Variants in COL19A1 observed in about 807,000 individuals in gnomAD.
COL19A1 encodes the protein collagen alpha-1(XIX) chain.
A neutral mutation model predicts 190.2 loss-of-function variants in COL19A1; 159 were observed. That is an observed-to-expected ratio of 0.84 (90% CI 0.73 to 0.95). COL19A1 has a LOEUF of 0.95. Ranked by LOEUF, COL19A1 falls within the 40% of genes least tolerant of loss-of-function variation. The pLI is 0.00. For synonymous variants in COL19A1, 509 were observed against 458.9 expected (o/e 1.11, Z -1.39); for missense variants, 1,418 against 1,431.9 (o/e 0.99, Z 0.16).
chr6:70,200,578 A>G (rs1354898504), intron 49 of COL19A1, among the ~76,000 whole-genome samples: 1 of 152,256 alleles, frequency 6.6e-6, no homozygotes, highest in Non-Finnish European at 1.5e-5. Flanking sequence ...AGCAACTTGT[A>G]TAAAGAAAGA....
chr6:69,971,182 T>C (rs2150054988), intron 11 of COL19A1, among the ~76,000 whole-genome samples: 1 of 152,342 alleles, frequency 6.6e-6, no homozygotes, highest in South Asian at 2.1e-4. Context: ...TATAAAGGGC[T>C]ATAATATTTT....
At chr6:70,081,028 G>A (rs538109664) in intron 15 of COL19A1, among the ~76,000 whole-genome samples, 22 of 152,168 alleles carry the variant, frequency 1.4e-4, no homozygotes, top group African/African-American at 4.3e-4. Flanking sequence ...AAGAAGTTAC[G>A]CTTCTAATTT....
Position 69,989,493 on chromosome 6 carries a change from A to C in COL19A1, c.1026+26623A>C, listed in dbSNP as rs144478257. Among the ~76,000 whole-genome samples the C allele has an allele frequency of 3.3e-3, 508 of 151,726 alleles. 1 individual carries two copies. Among genetic ancestry groups the C allele is most frequent in the African/African-American group, 0.011 (437 of 41,298 alleles). On this transcript the variant is annotated intron_variant, in intron 11 of 50. Coordinates refer to ENST00000620364, the MANE Select transcript of COL19A1 (RefSeq NM_001858.6). Reference sequence around the variant, plus strand: ...ATCAAGCTTGTCCCAACCACGGCCTAGAACAGCTTTGAATGTGACTCAACA... The same window carrying C: ...ATCAAGCTTGTCCCAACCACGGCCTCGAACAGCTTTGAATGTGACTCAACA...
chr6:70,003,609 C>A (rs1228153804), intron 11 of COL19A1, among the ~76,000 whole-genome samples: 1 of 151,922 alleles, frequency 6.6e-6, no homozygotes, highest in Non-Finnish European at 1.5e-5. Context: ...TGACTTGTTC[C>A]CTTTGCCATT....
rs1403162309 is a variant in COL19A1 at position 70,208,151 on chromosome 6, C to G, written c.*877C>G. 1 of 152,192 alleles carries G rather than the reference C, an allele frequency of 6.6e-6. No individual in the cohort carries two copies. The highest frequency in any genetic ancestry group is 1.5e-5 in the Non-Finnish European group (1 of 68,044). 9.4% of individuals were successfully genotyped at this position (152,192 alleles called of 1,614,324 possible). A position where few individuals can be genotyped will look rare whatever the true frequency, so the allele number is the denominator to read the frequency against. On this transcript the variant is annotated 3_prime_UTR_variant, in exon 51 of 51. Coordinates refer to ENST00000620364, the MANE Select transcript of COL19A1 (RefSeq NM_001858.6). ...AAGCCACCAAGCTGTCTTTGGTACT[C>G]TTAAAGCTTCAGTGGCCTAGCAAGA...
intron 11 of COL19A1, among the ~76,000 whole-genome samples, chr6:70,002,958 C>G (rs887424498): frequency 1.3e-5 from 2 of 151,956 alleles, no homozygotes; most frequent in African/African-American, 4.8e-5. Flanking sequence ...CTCTCTAGCT[C>G]TTTTAATTGT....
intron 42 of COL19A1, 83 bp from the exon 43 acceptor site, chr6:70,180,229 T>G: frequency 6.6e-7 from 1 of 1,512,014 alleles, no homozygotes; most frequent in Non-Finnish European, 9.2e-7. Context: ...CACTATAAAC[T>G]CAATTGGGGT....
At chr6:70,084,154 T>A (rs1052026468) in intron 15 of COL19A1, among the ~76,000 whole-genome samples, 1 of 152,102 alleles carries the variant, frequency 6.6e-6, no homozygotes, top group Non-Finnish European at 1.5e-5. Context: ...GGACAGTTAT[T>A]TGATAGATTT....
intron 11 of COL19A1, among the ~76,000 whole-genome samples, chr6:69,994,277 T>C (rs1012794437): frequency 6.6e-6 from 1 of 152,140 alleles, no homozygotes; most frequent in Admixed American, 6.6e-5. Flanking sequence ...CCTAGCTCTT[T>C]TCATCTTGTT....
At chr6:69,961,600 C>G (rs774223189) in intron 10 of COL19A1, among the ~76,000 whole-genome samples, 2 of 152,022 alleles carry the variant, frequency 1.3e-5, no homozygotes, top group Non-Finnish European at 2.9e-5. Context: ...AAAATATAGA[C>G]CATGCATTCA....
At chr6:70,103,930 T>C (rs949710927) in intron 16 of COL19A1, among the ~76,000 whole-genome samples, 18 of 152,150 alleles carry the variant, frequency 1.2e-4, no homozygotes, top group Admixed American at 1.1e-3. Context: ...GAATATATTT[T>C]GTAGACGAAA....
At chr6:70,006,585 C>T (rs1777639614) in intron 11 of COL19A1, among the ~76,000 whole-genome samples, 1 of 152,146 alleles carries the variant, frequency 6.6e-6, no homozygotes, top group Non-Finnish European at 1.5e-5. Context: ...TCTAGTCGGC[C>T]ATCTTGGCCC....
chr6:70,103,885 G>T (rs1195733259), intron 16 of COL19A1, among the ~76,000 whole-genome samples: 2 of 152,154 alleles, frequency 1.3e-5, no homozygotes, highest in Non-Finnish European at 2.9e-5. Context: ...CCTATAGCAT[G>T]TGATTATTGT....
At chr6:70,194,715 C>G (rs1274368202) in intron 48 of COL19A1, among the ~76,000 whole-genome samples, 2 of 152,072 alleles carry the variant, frequency 1.3e-5, no homozygotes, top group East Asian at 1.9e-4. Context: ...ATTACACTGT[C>G]CTATTATGCT....
chr6:70,184,752 G>T lies in COL19A1; in HGVS notation c.2811+14G>T. The T allele has an allele frequency of 6.2e-7, 1 of 1,603,240 alleles. No homozygotes were observed. Among genetic ancestry groups the T allele is most frequent in the South Asian group, 1.1e-5 (1 of 90,098 alleles). On this transcript the variant is annotated intron_variant, in intron 45 of 50. Coordinates refer to ENST00000620364, the MANE Select transcript of COL19A1 (RefSeq NM_001858.6). Reference sequence around the variant, plus strand: ...CCAGGTGCTCAGGTATGGGAAATATGATTTAAAATAAAAGTTATAATGCAT... The same window carrying T: ...CCAGGTGCTCAGGTATGGGAAATATTATTTAAAATAAAAGTTATAATGCAT...
Position 70,188,093 on chromosome 6 carries a change from G to A in COL19A1, c.2875G>A (p.Gly959Arg). 1 of 1,613,432 alleles carries A rather than the reference G, an allele frequency of 6.2e-7. No homozygotes were observed. The highest frequency in any genetic ancestry group is 2.2e-5 in the East Asian group (1 of 44,872). The change falls in exon 47 of 51, where the codon GGA becomes AGA. Residue 959 changes from glycine (G) to arginine (R), a missense_variant. Physicochemically the swap from Gly to Arg is moderately radical, Grantham distance 125. Transcript: ENST00000620364. ...TTAACAGGGTGATCAGGGGATTCCA[G>A]GAGACAGAGGCTCACAAGGTGAACG... Reference protein sequence around the residue: ...KGERGDQGIPGDRGSQGERGK... With the variant: ...KGERGDQGIPRDRGSQGERGK...
chr6:70,073,242 C>T (rs537783675), intron 15 of COL19A1, among the ~76,000 whole-genome samples: 1 of 152,178 alleles, frequency 6.6e-6, no homozygotes, highest in East Asian at 1.9e-4. Flanking sequence ...CGCTCCTTGG[C>T]CTACCAAAGT....
chr6:70,128,096 A>G (rs943619295), intron 17 of COL19A1, among the ~76,000 whole-genome samples: 1 of 152,154 alleles, frequency 6.6e-6, no homozygotes, highest in Non-Finnish European at 1.5e-5. Flanking sequence ...GTTCTCTCAT[A>G]TGTGTATTTG....
Position 70,156,520 on chromosome 6 carries a change from A to G in COL19A1, c.2239-150A>G, listed in dbSNP as rs897477672. 55 of 1,026,564 alleles carry G rather than the reference A, an allele frequency of 5.4e-5. No homozygotes were observed. The East Asian group carries it at 1.4e-3, about 26-fold the overall frequency. 63.6% of individuals were successfully genotyped at this position (1,026,564 alleles called of 1,614,324 possible). A position where few individuals can be genotyped will look rare whatever the true frequency, so the allele number is the denominator to read the frequency against. On this transcript the variant is annotated intron_variant, in intron 33 of 50. Coordinates refer to ENST00000620364, the MANE Select transcript of COL19A1 (RefSeq NM_001858.6). ...GAGAGAGAGAGAGAGAGAGAAAGTG[A>G]TGTAAAAGTCACTTGCAAATGTTGC...
Sources: allele counts gnomAD v4.1 joint callset (sites outside exome capture counted in the v4.1 genomes callset), GRCh38; gene constraint gnomAD v4.1.1; transcripts MANE v1.5; gene names NCBI Gene and HGNC (gene_info 2026-07-23, HGNC 2026-07-21).